Variants in RPH3A observed in about 807,000 individuals in gnomAD.
The protein encoded by RPH3A is rabphilin-3A.
A neutral mutation model predicts 102.2 loss-of-function variants in RPH3A; 48 were observed. The ratio of observed to expected loss-of-function variants is 0.47; its 90% CI spans 0.37 to 0.60. RPH3A has a LOEUF of 0.60. RPH3A is among the 20% of genes least tolerant of loss of function. RPH3A has a pLI of 0.00. For synonymous variants in RPH3A, 310 were observed against 324.3 expected (o/e 0.96, Z 0.47); for missense variants, 781 against 910.1 (o/e 0.86, Z 1.83).
At chr12:112,590,656 G>T (rs185961965) in intron 1 of RPH3A, among the ~76,000 whole-genome samples, 2 of 152,160 alleles carry the variant, frequency 1.3e-5, no homozygotes, top group African/African-American at 4.8e-5. Flanking sequence ...GTTATATTTT[G>T]TTCAACCTAA....
chr12:112,718,476 C>A (rs1358311857), intron 1 of RPH3A, among the ~76,000 whole-genome samples: 1 of 152,080 alleles, frequency 6.6e-6, no homozygotes, highest in Non-Finnish European at 1.5e-5. Context: ...GTGTGGGGTG[C>A]AAATCAGAGC....
chr12:112,675,422 G>T (rs1427304671), intron 1 of RPH3A, among the ~76,000 whole-genome samples: 1 of 152,184 alleles, frequency 6.6e-6, no homozygotes, highest in Non-Finnish European at 1.5e-5. Flanking sequence ...CTGGGTACCA[G>T]CAACGGTGCT....
rs1318892559 is a variant in RPH3A at position 112,840,144 on chromosome 12, AT to A, written c.83+3648del. On this transcript the variant is annotated intron_variant, in intron 4 of 21. Coordinates refer to ENST00000389385, the MANE Select transcript of RPH3A (RefSeq NM_001143854.2). ...GCTTTTACTAAAATATTAAATATTA[AT>A]TTTTTCCCCAATGTTTGTCGCTTTT... is the stretch of plus-strand genomic sequence containing the variant. 9.9e-5 allele frequency among the ~76,000 whole-genome samples: 15 copies of A among 152,274 alleles called. No individual in the cohort carries two copies. The East Asian group carries it at 1.5e-3, about 16-fold the overall frequency.
intron 2 of RPH3A, among the ~76,000 whole-genome samples, chr12:112,796,316 C>T (rs186809002): frequency 3.0e-4 from 46 of 152,332 alleles, no homozygotes; most frequent in Admixed American, 9.1e-4. Context: ...GAAACCTGAG[C>T]CTTCCTTCCC....
intron 1 of RPH3A, among the ~76,000 whole-genome samples, chr12:112,758,256 C>A (rs2040834050): frequency 6.6e-6 from 1 of 152,248 alleles, no homozygotes; most frequent in Non-Finnish European, 1.5e-5. Context: ...TACCAGGCAA[C>A]TGACCAGCTC....
At chr12:112,677,415 C>CTCCTTCCTTCCT (rs879603208) in intron 1 of RPH3A, among the ~76,000 whole-genome samples, 32 of 33,264 alleles carry the variant, frequency 9.6e-4, no homozygotes, top group South Asian at 1.6e-3. Flanking sequence ...CCCTCCTTCC[C>CTCCTTCCTTCCT]TCCTTCCTTC....
At chr12:112,804,640 G>A (rs1006220021) in intron 2 of RPH3A, among the ~76,000 whole-genome samples, 9 of 152,196 alleles carry the variant, frequency 5.9e-5, no homozygotes, top group Non-Finnish European at 1.0e-4. Flanking sequence ...CTGGGCTCAC[G>A]TCTCCACTTC....
intron 1 of RPH3A, among the ~76,000 whole-genome samples, chr12:112,616,761 C>T (rs1477092035): frequency 2.0e-5 from 3 of 152,186 alleles, no homozygotes; most frequent in African/African-American, 7.2e-5. Flanking sequence ...CTTAAGTATC[C>T]ACCCAGAGTG....
chr12:112,669,279 A>G (rs981209546), intron 1 of RPH3A, among the ~76,000 whole-genome samples: 2 of 152,248 alleles, frequency 1.3e-5, no homozygotes, highest in Non-Finnish European at 2.9e-5. Flanking sequence ...AGATACCTCA[A>G]TTATCCTAAT....
At chr12:112,814,497 G>A (rs2041636926) in intron 2 of RPH3A, among the ~76,000 whole-genome samples, 1 of 152,192 alleles carries the variant, frequency 6.6e-6, no homozygotes. Flanking sequence ...GGGGCTGATG[G>A]TTAGAAAGCT....
At chr12:112,704,126 T>A (rs1477802936) in intron 1 of RPH3A, among the ~76,000 whole-genome samples, 1 of 151,926 alleles carries the variant, frequency 6.6e-6, no homozygotes, top group Non-Finnish European at 1.5e-5. Flanking sequence ...TTTCACTCTG[T>A]TGCCCAGGCT....
chr12:112,602,877 C>G (rs1185621098), intron 1 of RPH3A, among the ~76,000 whole-genome samples: 2 of 152,094 alleles, frequency 1.3e-5, no homozygotes, highest in East Asian at 3.9e-4. Context: ...GCTGGGGCTC[C>G]TACAGCAAAA....
chr12:112,694,735 G>T (rs574080992), intron 1 of RPH3A, among the ~76,000 whole-genome samples: 24 of 151,668 alleles, frequency 1.6e-4, no homozygotes, highest in Non-Finnish European at 3.2e-4. Flanking sequence ...CTTCTTCCAT[G>T]AAGCTCTCTT....
At position 112,585,496 on chromosome 12, in the gene RPH3A, A is replaced by G. The variant is rs114103887; in HGVS notation, c.-140+10177A>G. On this transcript the variant is annotated intron_variant, in intron 1 of 21. Transcript: ENST00000543106. ...GCACCTGTAATCCCAGCACTTCGGG[A>G]GTTCGAGACAGGTGGATCACTTGAG... Among the ~76,000 whole-genome samples the G allele has an allele frequency of 2.0e-3, 312 of 152,298 alleles. 1 individual carries two copies. The highest frequency in any genetic ancestry group is 7.2e-3 in the African/African-American group (298 of 41,562).
chr12:112,769,703 A>T (rs1022257996), intron 1 of RPH3A, among the ~76,000 whole-genome samples: 10 of 152,234 alleles, frequency 6.6e-5, no homozygotes, highest in African/African-American at 2.4e-4. Context: ...TAGACTTTAG[A>T]TTCTAAAAAT....
At chr12:112,845,512 G>A (rs1177052159) in intron 4 of RPH3A, among the ~76,000 whole-genome samples, 1 of 152,184 alleles carries the variant, frequency 6.6e-6, no homozygotes, top group Non-Finnish European at 1.5e-5. Context: ...GCGAACAGGG[G>A]GCCCTGAAGC....
chr12:112,808,351 C>T (rs907322820), intron 2 of RPH3A, among the ~76,000 whole-genome samples: 4 of 152,224 alleles, frequency 2.6e-5, no homozygotes, highest in African/African-American at 7.2e-5. Flanking sequence ...CAGCCCCAGC[C>T]GCGGCAGCTG....
chr12:112,723,978 A>G (rs1191236172), intron 1 of RPH3A, among the ~76,000 whole-genome samples: 1 of 152,138 alleles, frequency 6.6e-6, no homozygotes, highest in African/African-American at 2.4e-5. Context: ...ATGGTAACAA[A>G]TGATAAAATA....
chr12:112,727,406 A>T (rs2891406), intron 1 of RPH3A, among the ~76,000 whole-genome samples: 86,816 of 122,692 alleles, frequency 0.71, 31,375 homozygotes, highest in East Asian at 0.8. Flanking sequence ...AAAAAAAAAA[A>T]ATATATATAT....
Sources: allele counts gnomAD v4.1 joint callset (sites outside exome capture counted in the v4.1 genomes callset), GRCh38; gene constraint gnomAD v4.1.1; transcripts MANE v1.5; gene names NCBI Gene and HGNC (gene_info 2026-07-23, HGNC 2026-07-21).